Variants in MRPS27 observed in about 807,000 individuals in gnomAD.
MRPS27 encodes the protein mitochondrial ribosomal protein S27, also known as small ribosomal subunit protein mS27.
MRPS27 carries 43 observed loss-of-function variants against 48.9 expected under a neutral mutation model. That is an observed-to-expected ratio of 0.88 (90% CI 0.69 to 1.13). The LOEUF (loss-of-function observed/expected upper bound fraction) is 1.13. Among genes scored for constraint, MRPS27 ranks in the 50% most tolerant of loss-of-function variants. The pLI is 0.00. For missense variants in MRPS27, 467 were observed against 476.3 expected, an observed-to-expected ratio of 0.98 and a Z score of 0.18; for synonymous variants, 188 against 171.9, an observed-to-expected ratio of 1.09 and a Z score of -0.73.
At chr5:72,245,820 G>A (rs972569451) in intron 4 of MRPS27, among the ~76,000 whole-genome samples, 1 of 152,090 alleles carries the variant, frequency 6.6e-6, no homozygotes, top group African/African-American at 2.4e-5. Flanking sequence ...TATTTCTGAG[G>A]GAAGAGAAGC....
At chr5:72,296,004 T>C (rs910994065) in intron 3 of MRPS27, among the ~76,000 whole-genome samples, 3 of 152,180 alleles carry the variant, frequency 2.0e-5, no homozygotes, top group African/African-American at 4.8e-5. Flanking sequence ...TAAAAAACTA[T>C]TGCCCAGAAC....
intron 3 of MRPS27, 59 bp from the exon 4 acceptor site, chr5:72,295,648 AG>A: frequency 7.4e-7 from 1 of 1,344,126 alleles, no homozygotes; most frequent in Non-Finnish European, 1.1e-6. Context: ...TATTTGGCCT[AG>A]GGCCTAGATC....
At chr5:72,280,528 A>G (rs978696763) in intron 4 of MRPS27, among the ~76,000 whole-genome samples, 4 of 152,366 alleles carry the variant, frequency 2.6e-5, no homozygotes, top group African/African-American at 7.2e-5. Flanking sequence ...AGTTTTCTAT[A>G]TAAGAATCAG....
At chr5:72,307,645 G>A (rs1284496446) in intron 2 of MRPS27, among the ~76,000 whole-genome samples, 1 of 151,302 alleles carries the variant, frequency 6.6e-6, no homozygotes, top group African/African-American at 2.4e-5. Flanking sequence ...TTATACCAAG[G>A]TGTCTACACC....
intron 4 of MRPS27, among the ~76,000 whole-genome samples, chr5:72,272,895 A>T (rs1281412772): frequency 1.3e-5 from 2 of 152,234 alleles, no homozygotes; most frequent in East Asian, 3.8e-4. Context: ...GGTTGAAGGT[A>T]GGTATTGACA....
At chr5:72,318,302 C>A (rs1750615070) in intron 1 of MRPS27, among the ~76,000 whole-genome samples, 1 of 152,370 alleles carries the variant, frequency 6.6e-6, no homozygotes, top group Non-Finnish European at 1.5e-5. Flanking sequence ...GTTGACTCTG[C>A]AGATGCAGAA....
At chr5:72,265,009 G>T (rs983899715) in intron 4 of MRPS27, among the ~76,000 whole-genome samples, 1 of 152,128 alleles carries the variant, frequency 6.6e-6, no homozygotes, top group African/African-American at 2.4e-5. Flanking sequence ...TACTTCTATG[G>T]GAAGAACTTG....
chr5:72,267,714 T>C (rs1749138610), intron 4 of MRPS27, among the ~76,000 whole-genome samples: 1 of 152,180 alleles, frequency 6.6e-6, no homozygotes, highest in Non-Finnish European at 1.5e-5. Flanking sequence ...AAATACATTT[T>C]GTCCAAAGTA....
chr5:72,282,774 C>T (rs1051873154), intron 4 of MRPS27, among the ~76,000 whole-genome samples: 134 of 152,194 alleles, frequency 8.8e-4, no homozygotes, highest in African/African-American at 3.1e-3. Flanking sequence ...AGAGTGGATA[C>T]CCAACTTCTC....
chr5:72,281,907 G>GT (rs1749544386), intron 4 of MRPS27, among the ~76,000 whole-genome samples: 1 of 152,182 alleles, frequency 6.6e-6, no homozygotes, highest in East Asian at 1.9e-4. Context: ...ACTGAACTAT[G>GT]TAACAGCCAG....
chr5:72,225,739 T>C (rs1475437003), intron 9 of MRPS27, among the ~76,000 whole-genome samples: 1 of 152,070 alleles, frequency 6.6e-6, no homozygotes, highest in African/African-American at 2.4e-5. Flanking sequence ...ACCAAACATA[T>C]TTAAAATGAA....
At position 72,223,903 on chromosome 5, in the gene MRPS27, A is replaced by G. The variant is rs543465707; in HGVS notation, c.838-53T>C. On this transcript the variant is annotated intron_variant, in intron 9 of 10. Coordinates refer to ENST00000261413, the MANE Select transcript of MRPS27 (RefSeq NM_015084.3). ...CAAATGTTTTATGGCCCAAAAGCACATGGTGAAGAAAGGCTAGAGAAGGCG... is the reference window on the plus strand; with the variant it reads ...CAAATGTTTTATGGCCCAAAAGCACGTGGTGAAGAAAGGCTAGAGAAGGCG... 530 of 1,581,024 alleles carry G rather than the reference A, an allele frequency of 3.4e-4. 1 individual carries two copies. In the African/African-American group the frequency reaches 6.5e-3, roughly 19 times the overall value.
intron 4 of MRPS27, 117 bp downstream of exon 4, chr5:72,295,413 AG>A: frequency 1.4e-6 from 1 of 733,348 alleles, no homozygotes; most frequent in African/African-American, 1.8e-5. Flanking sequence ...TCATATGAAA[AG>A]ATCTTTAAAA....
At chr5:72,263,266 A>G (rs555820094) in intron 4 of MRPS27, among the ~76,000 whole-genome samples, 69 of 152,306 alleles carry the variant, frequency 4.5e-4, no homozygotes, top group African/African-American at 1.6e-3. Flanking sequence ...TATTGTGCAT[A>G]GTAGTAACAT....
At chr5:72,314,907 T>G (rs1398105814) in intron 1 of MRPS27, among the ~76,000 whole-genome samples, 1 of 152,206 alleles carries the variant, frequency 6.6e-6, no homozygotes, top group African/African-American at 2.4e-5. Context: ...TCATTTCACA[T>G]AAAGCAAGGA....
At chr5:72,257,706 T>A (rs1179862134) in intron 4 of MRPS27, among the ~76,000 whole-genome samples, 2 of 152,144 alleles carry the variant, frequency 1.3e-5, no homozygotes, top group Non-Finnish European at 2.9e-5. Flanking sequence ...AGCAGGGATT[T>A]TAAAAATGGC....
chr5:72,260,977 C>T (rs1046580948), intron 4 of MRPS27, among the ~76,000 whole-genome samples: 1 of 152,110 alleles, frequency 6.6e-6, no homozygotes, highest in Non-Finnish European at 1.5e-5. Flanking sequence ...GATTCTCATG[C>T]CTCAGTCTCC....
At chr5:72,235,149 A>G (rs2111956009) in intron 5 of MRPS27, among the ~76,000 whole-genome samples, 1 of 152,176 alleles carries the variant, frequency 6.6e-6, no homozygotes, top group South Asian at 2.1e-4. Flanking sequence ...ATGTCTAAAA[A>G]CCACTGTTTT....
Position 72,226,407 on chromosome 5 carries a change from G to A in MRPS27, c.695-208C>T, listed in dbSNP as rs138362333. On this transcript the variant is annotated intron_variant, in intron 8 of 10. Transcript: ENST00000261413. The stretch of plus-strand genomic sequence containing the variant: ...TGGTAAAATTCACTGTATCCATTTT[G>A]TAATGCAAAATTACATGAACTTAGT... 2.7e-3 allele frequency among the ~76,000 whole-genome samples: 418 copies of A among 152,258 alleles called. 2 individuals carry two copies. The highest frequency in any genetic ancestry group is 8.2e-3 in the African/African-American group (340 of 41,566).
Sources: allele counts gnomAD v4.1 joint callset (sites outside exome capture counted in the v4.1 genomes callset), GRCh38; gene constraint gnomAD v4.1.1; transcripts MANE v1.5; gene names NCBI Gene and HGNC (gene_info 2026-07-23, HGNC 2026-07-21).